The following GSE1 variants were observed in gnomAD, a reference collection of about 807,000 sequenced individuals.
The protein encoded by GSE1 is Gse1 coiled-coil protein.
In GSE1, 32 loss-of-function variants were observed where a neutral mutation model predicts 112.6. That is an observed-to-expected ratio of 0.28 (90% CI 0.21 to 0.38). The LOEUF (loss-of-function observed/expected upper bound fraction) is 0.38, where lower values mean the gene tolerates loss of function less well. GSE1 is among the 10% of genes least tolerant of loss of function. The pLI, the probability that GSE1 is intolerant of heterozygous loss-of-function variation, is 1.00. For synonymous variants in GSE1, 1,115 were observed against 735.6 expected (o/e 1.52, Z -8.35); for missense variants, 2,348 against 1,699.2 (o/e 1.38, Z -6.71).
chr16:85,656,496 C>CGAGCGCGAGCTG lies in GSE1; in HGVS notation c.1150_1161dup (p.Glu384_Arg387dup). ...AGGAGCGTGAGCGTGAGAAGGAGCG[C>CGAGCGCGAGCTG]GAGCGCGAGCTGGAGCGCCAGCGGG... On this transcript the variant is annotated inframe_insertion, in exon 7 of 16. Coordinates refer to ENST00000253458, the MANE Select transcript of GSE1 (RefSeq NM_014615.5). 2 of 1,544,844 alleles carry CGAGCGCGAGCTG rather than the reference C, an allele frequency of 1.3e-6. No individual in the cohort carries two copies. The highest frequency in any genetic ancestry group is 1.7e-6 in the Non-Finnish European group (2 of 1,142,908).
intron 2 of GSE1, among the ~76,000 whole-genome samples, chr16:85,482,669 T>C (rs1374958594): frequency 1.3e-5 from 2 of 152,180 alleles, no homozygotes; most frequent in African/African-American, 4.8e-5. Flanking sequence ...AAATCCAGCA[T>C]CCAAGGTGTT....
At chr16:85,339,155 C>A (rs2046568895) in intron 1 of GSE1, among the ~76,000 whole-genome samples, 1 of 152,186 alleles carries the variant, frequency 6.6e-6, no homozygotes, top group African/African-American at 2.4e-5. Flanking sequence ...TCCCTCCCCA[C>A]CAGCCAGGCC....
intron 1 of GSE1, among the ~76,000 whole-genome samples, chr16:85,600,471 G>T (rs1357435327): frequency 6.6e-6 from 1 of 152,052 alleles, no homozygotes; most frequent in African/African-American, 2.4e-5. Flanking sequence ...TGAACTCCGG[G>T]TGAGAGGCTA....
chr16:85,582,846 A>G (rs767544604), intron 1 of GSE1, among the ~76,000 whole-genome samples: 6 of 152,198 alleles, frequency 3.9e-5, no homozygotes, highest in Non-Finnish European at 8.8e-5. Flanking sequence ...AGTGATCGGG[A>G]GGCAGCACAA....
chr16:85,322,203 C>T (rs990660911), intron 1 of GSE1, among the ~76,000 whole-genome samples: 3 of 152,066 alleles, frequency 2.0e-5, no homozygotes, highest in Non-Finnish European at 2.9e-5. Flanking sequence ...TGTCACATGG[C>T]ACACGTTCCA....
At chr16:85,339,069 C>T (rs889549456) in intron 1 of GSE1, among the ~76,000 whole-genome samples, 4 of 152,158 alleles carry the variant, frequency 2.6e-5, no homozygotes, top group African/African-American at 9.7e-5. Context: ...CAGGTGGATG[C>T]CCCCAACCCT....
intron 1 of GSE1, among the ~76,000 whole-genome samples, chr16:85,175,991 T>G (rs980147824): frequency 1.3e-4 from 20 of 152,108 alleles, no homozygotes; most frequent in African/African-American, 3.9e-4. Context: ...TTTGTTTGCT[T>G]CTTTTCTTTT....
At chr16:85,616,095 G>A (rs1231855754) in intron 1 of GSE1, among the ~76,000 whole-genome samples, 2 of 152,246 alleles carry the variant, frequency 1.3e-5, no homozygotes, top group African/African-American at 4.8e-5. Flanking sequence ...AGCATCGCCG[G>A]CCCCAGGAAG....
intron 3 of GSE1, among the ~76,000 whole-genome samples, chr16:85,653,308 C>T (rs554331745): frequency 2.6e-4 from 4 of 15,258 alleles, no homozygotes; most frequent in African/African-American, 9.8e-4. Context: ...TCCTCCTACC[C>T]CCTCCTCCTC....
At chr16:85,366,966 C>T (rs777653010) in intron 2 of GSE1, among the ~76,000 whole-genome samples, 1 of 152,184 alleles carries the variant, frequency 6.6e-6, no homozygotes, top group Non-Finnish European at 1.5e-5. Flanking sequence ...GTCCCCGGGG[C>T]AGGGCCAGGG....
intron 1 of GSE1, among the ~76,000 whole-genome samples, chr16:85,205,555 CT>C (rs905788550): frequency 7.2e-5 from 11 of 151,866 alleles, no homozygotes; most frequent in Non-Finnish European, 1.2e-4. Flanking sequence ...CACTGCCTTA[CT>C]TTTTTTTTCC....
chr16:85,668,203 T>A lies in GSE1; in HGVS notation c.3194T>A (p.Ile1065Asn). 6.2e-7 allele frequency: 1 copy of A among 1,610,002 alleles called. No homozygotes were observed. Among genetic ancestry groups the A allele is most frequent in the Non-Finnish European group, 8.5e-7 (1 of 1,176,450 alleles). ...HKVDTSVHYN[I>N]PELQSSSRAP... ...GTTGACACGTCCGTCCACTACAACA[T>A]TCCTGAGCTGCAGTCCTCCAGCCGC... Residue 1065 changes from isoleucine to asparagine, a missense_variant, in exon 14 of 16, where the codon ATT (isoleucine) becomes AAT (asparagine). Transcript: ENST00000253458.
intron 1 of GSE1, among the ~76,000 whole-genome samples, chr16:85,619,698 G>C (rs2048608500): frequency 6.6e-6 from 1 of 152,204 alleles, no homozygotes; most frequent in African/African-American, 2.4e-5. Context: ...CCCAGCCTAT[G>C]AGGGTCACGC....
chr16:85,606,603 C>T (rs58534183), upstream of GSE1, among the ~76,000 whole-genome samples: 2,721 of 152,332 alleles, frequency 0.018, 67 homozygotes, highest in South Asian at 0.052. Context: ...GGGAGAGGGA[C>T]AGGTTGTGGA....
At position 85,270,279 on chromosome 16, in the gene GSE1, G is replaced by T. The variant is rs533335681; in HGVS notation, c.2284-87184G>T. ...AGAACCACCCAGGCTCCCAGCACAT[G>T]CCTCTCTGTTGAGGCCCAGGTGATG... On this transcript the variant is annotated intron_variant, in intron 1 of 2. Transcript: ENST00000637419. 1.0e-4 allele frequency among the ~76,000 whole-genome samples: 15 copies of T among 149,114 alleles called. 2 individuals carry two copies. Among genetic ancestry groups the T allele is most frequent in the Non-Finnish European group, 1.8e-4 (12 of 66,144 alleles).
intron 2 of GSE1, among the ~76,000 whole-genome samples, chr16:85,524,066 C>T (rs1449709405): frequency 1.3e-5 from 2 of 152,182 alleles, no homozygotes; most frequent in African/African-American, 4.8e-5. Context: ...CCAGCTGCTG[C>T]AGCCAGGAGC....
Position 85,311,718 on chromosome 16 carries a change from C to T in GSE1, c.2284-45745C>T, listed in dbSNP as rs2045853806. ...TGGATACCTCCTGCCTGCTTCATTT[C>T]CCAGATGTCTTAGGACCTGAGGTGG... On this transcript the variant is annotated intron_variant, in intron 1 of 2. Transcript: ENST00000637419. The surrounding 1 kb of genome is among the most constrained non-coding windows in gnomAD (Gnocchi z 4.2). 6.6e-6 allele frequency among the ~76,000 whole-genome samples: 1 copy of T among 152,132 alleles called. No homozygotes were observed. Among genetic ancestry groups the T allele is most frequent in the Non-Finnish European group, 1.5e-5 (1 of 68,010 alleles).
intron 1 of GSE1, among the ~76,000 whole-genome samples, chr16:85,316,895 G>A (rs1267745551): frequency 6.6e-6 from 1 of 152,218 alleles, no homozygotes; most frequent in Non-Finnish European, 1.5e-5. Context: ...GCCTCAAAGA[G>A]TGGAAAAACT....
chr16:85,252,814 C>T (rs895123434), intron 1 of GSE1, among the ~76,000 whole-genome samples: 1 of 152,242 alleles, frequency 6.6e-6, no homozygotes, highest in Admixed American at 6.5e-5. Flanking sequence ...CGGGCCTGTC[C>T]TTGCAGGCTC....
Sources: gnomAD v4.1 joint callset for allele counts (sites outside exome capture counted in the v4.1 genomes callset) on GRCh38, gnomAD v4.1.1 for gene constraint, Gnocchi (gnomAD v3.1) non-coding constraint, MANE v1.5 for transcripts, NCBI Gene and HGNC (gene_info 2026-07-23, HGNC 2026-07-21) for gene names.